The following PLLP variants were observed in gnomAD, a reference collection of about 807,000 sequenced individuals.
PLLP encodes plasmolipin.
Under a neutral mutation model 19.7 loss-of-function variants are expected in PLLP, and 15 were observed. The observed-to-expected ratio is 0.76, with a 90% CI of 0.51 to 1.17. PLLP has a LOEUF of 1.17. PLLP is among the 50% of genes most tolerant of loss of function. PLLP has a pLI of 0.00. For missense variants in PLLP, 255 were observed against 258.3 expected (o/e 0.99, Z 0.09); for synonymous variants, 111 against 116.3 (o/e 0.95, Z 0.29).
At chr16:57,265,130 A>C (rs1489734721) in intron 1 of PLLP, among the ~76,000 whole-genome samples, 1 of 152,212 alleles carries the variant, frequency 6.6e-6, no homozygotes, top group African/African-American at 2.4e-5. Context: ...TCACCGCCGC[A>C]AGCAGGCCAG....
intron 3 of PLLP, among the ~76,000 whole-genome samples, chr16:57,257,925 T>G (rs1399152249): frequency 6.6e-6 from 1 of 152,106 alleles, no homozygotes; most frequent in Non-Finnish European, 1.5e-5. Context: ...ACACCTGTAA[T>G]CTCAGCACTT....
At chr16:57,272,347 C>CA (rs2075478519) in intron 1 of PLLP, among the ~76,000 whole-genome samples, 1 of 152,142 alleles carries the variant, frequency 6.6e-6, no homozygotes, top group African/African-American at 2.4e-5. Flanking sequence ...CTCTTGAAGC[C>CA]AGAGCTGAGA....
At chr16:57,276,578 T>G (rs1597965186) in intron 1 of PLLP, among the ~76,000 whole-genome samples, 2 of 126,270 alleles carry the variant, frequency 1.6e-5, no homozygotes, top group African/African-American at 3.1e-5. Flanking sequence ...GGTGACAGAG[T>G]GAGACTCTGT....
In PLLP at chr16:57,256,876, C is replaced by T. The variant is rs3751707; in HGVS notation, c.*37G>A. On this transcript the variant is annotated 3_prime_UTR_variant, in exon 4 of 4. Coordinates refer to ENST00000219207, the MANE Select transcript of PLLP (RefSeq NM_015993.3). ...GTGACCCTGCTCTGTGACCCAGCGGCGGCTTCAGCCCCAGAGGGGGCCGTG... is the reference window on the plus strand; with the variant it reads ...GTGACCCTGCTCTGTGACCCAGCGGTGGCTTCAGCCCCAGAGGGGGCCGTG... The T allele has an allele frequency of 0.082, 115,420 of 1,402,498 alleles. 6,309 individuals are homozygous for T. The highest frequency in any genetic ancestry group is 0.24 in the East Asian group (10,707 of 43,940). 86.9% of individuals were successfully genotyped at this position (1,402,498 alleles called of 1,614,324 possible).
intron 1 of PLLP, among the ~76,000 whole-genome samples, chr16:57,279,462 C>A (rs916288184): frequency 5.3e-5 from 8 of 151,456 alleles, no homozygotes; most frequent in African/African-American, 1.9e-4. Context: ...TGCTGGAGCC[C>A]AGGAGTTCGA....
At chr16:57,275,093 TCACACACACACACACA>T (rs60029615) in intron 1 of PLLP, among the ~76,000 whole-genome samples, 18 of 121,362 alleles carry the variant, frequency 1.5e-4, no homozygotes, top group East Asian at 7.3e-4. Context: ...TCCAGGGACT[TCACACACACACACACA>T]CACACACACA....
chr16:57,282,042 G>T (rs1166603766), intron 1 of PLLP, among the ~76,000 whole-genome samples: 1 of 151,998 alleles, frequency 6.6e-6, no homozygotes, highest in Non-Finnish European at 1.5e-5. Flanking sequence ...ACCCAGATGC[G>T]CAGGGCTGGA....
At position 57,262,009 on chromosome 16, in the gene PLLP, T is replaced by C. The variant is rs1018038560; in HGVS notation, c.197A>G (p.Tyr66Cys). 5 of 1,614,058 alleles carry C rather than the reference T, an allele frequency of 3.1e-6. No individual in the cohort carries two copies. Among genetic ancestry groups the C allele is most frequent in the Non-Finnish European group, 4.2e-6 (5 of 1,179,972 alleles). Residue 66 changes from tyrosine (Y) to cysteine (C), a missense_variant, in exon 2 of 4, where the codon TAT becomes TGT. Physicochemically the swap from Tyr to Cys is radical, Grantham distance 194. Coordinates refer to ENST00000219207, the MANE Select transcript of PLLP (RefSeq NM_015993.3). Reference protein sequence around the residue: ...ADTPYHLYPAYGWVMFVAVFL... With the variant: ...ADTPYHLYPACGWVMFVAVFL... ...GACAGCGACGAACATCACCCAGCCA[T>C]AGGCCGGATACAGGTGGTACGGGGT...
intron 1 of PLLP, among the ~76,000 whole-genome samples, chr16:57,278,979 C>G (rs1901186488): frequency 6.6e-6 from 1 of 152,194 alleles, no homozygotes; most frequent in Non-Finnish European, 1.5e-5. Flanking sequence ...AAGGATGGAG[C>G]AGGCAGCCTT....
chr16:57,273,932 G>A (rs995080002), intron 1 of PLLP, among the ~76,000 whole-genome samples: 1 of 152,190 alleles, frequency 6.6e-6, no homozygotes, highest in Non-Finnish European at 1.5e-5. Context: ...CTCTCTCTGG[G>A]CCTGAGGACA....
At chr16:57,278,274 A>T (rs1403026821) in intron 1 of PLLP, among the ~76,000 whole-genome samples, 3 of 152,178 alleles carry the variant, frequency 2.0e-5, no homozygotes, top group African/African-American at 7.2e-5. Context: ...CGGGAGGCGG[A>T]GGTTGCAGTG....
Position 57,256,803 on chromosome 16 carries a change from C to A in PLLP, c.*110G>T. ...CGGGCAGAGAGGAGCAAATGCAGTC[C>A]CTGTTGGGCTGACTCCACGCAGGGC... On this transcript the variant is annotated 3_prime_UTR_variant, in exon 4 of 4. Coordinates refer to ENST00000219207, the MANE Select transcript of PLLP (RefSeq NM_015993.3). 1 of 701,898 alleles carries A rather than the reference C, an allele frequency of 1.4e-6. No individual in the cohort carries two copies. The highest frequency in any genetic ancestry group is 2.5e-6 in the Non-Finnish European group (1 of 399,282). The allele number at this position is 701,898 out of a possible 1,614,324, so 43.5% of individuals were successfully genotyped here. A position where few individuals can be genotyped will look rare whatever the true frequency, so the allele number is the denominator to read the frequency against.
intron 1 of PLLP, among the ~76,000 whole-genome samples, chr16:57,265,023 G>C (rs1343242731): frequency 1.3e-5 from 2 of 152,228 alleles, no homozygotes; most frequent in African/African-American, 4.8e-5. Context: ...CGCTCTCCAG[G>C]GCTCAGCACC....
At chr16:57,282,711 C>A (rs1473853734) in intron 1 of PLLP, among the ~76,000 whole-genome samples, 5 of 152,214 alleles carry the variant, frequency 3.3e-5, no homozygotes, top group African/African-American at 4.8e-5. Flanking sequence ...AACTCCAGCA[C>A]CACCAACCTG....
intron 1 of PLLP, among the ~76,000 whole-genome samples, chr16:57,283,156 T>C (rs1371782911): frequency 6.6e-6 from 1 of 152,186 alleles, no homozygotes; most frequent in Non-Finnish European, 1.5e-5. Context: ...AAAAATGAAT[T>C]TCTGGCTGTA....
intron 1 of PLLP, among the ~76,000 whole-genome samples, chr16:57,264,268 C>T (rs1210869232): frequency 1.3e-5 from 2 of 152,220 alleles, no homozygotes; most frequent in Admixed American, 6.5e-5. Context: ...TCCCCATCCC[C>T]CAGGGATCTG....
At position 57,267,975 on chromosome 16, in the gene PLLP, T is replaced by C. The variant is rs565671673; in HGVS notation, c.136-5905A>G. 6.4e-4 allele frequency among the ~76,000 whole-genome samples: 97 copies of C among 152,078 alleles called. 1 individual carries two copies. The highest frequency in any genetic ancestry group is 2.3e-3 in the African/African-American group (95 of 41,482). On this transcript the variant is annotated intron_variant, in intron 1 of 3. Transcript: ENST00000219207. ...GGTTATACTGGATTGGGGGCATCTC[T>C]AATCCAATGACTGGTGTCCTTGCAA...
In PLLP at chr16:57,256,977, T is replaced by C; in HGVS notation, c.485A>G (p.Tyr162Cys). The change falls in exon 4 of 4, where the codon TAC (tyrosine) becomes TGC (cysteine). Residue 162 changes from tyrosine (Y) to cysteine (C), a missense_variant. By Grantham distance (194) the Tyr-to-Cys change is radical. Coordinates refer to ENST00000219207, the MANE Select transcript of PLLP (RefSeq NM_015993.3). ...GCTGCCTACTCCTCGCCAGGCCTGG[T>C]AGCTGAAGAAGGCACTCACTCCATA... Reference protein sequence around the residue: ...IAYGVSAFFSYQAWRGVGSNA... With the variant: ...IAYGVSAFFSCQAWRGVGSNA... 6.2e-7 allele frequency: 1 copy of C among 1,614,026 alleles called. No individual in the cohort carries two copies. The highest frequency in any genetic ancestry group is 8.5e-7 in the Non-Finnish European group (1 of 1,179,982).
intron 1 of PLLP, among the ~76,000 whole-genome samples, chr16:57,280,925 G>A (rs952349453): frequency 1.3e-5 from 2 of 152,208 alleles, no homozygotes; most frequent in Non-Finnish European, 2.9e-5. Flanking sequence ...TCCAGGAGCT[G>A]GGAGCCTTTC....
Sources: allele counts gnomAD v4.1 joint callset (sites outside exome capture counted in the v4.1 genomes callset), GRCh38; gene constraint gnomAD v4.1.1; transcripts MANE v1.5; gene names NCBI Gene and HGNC (gene_info 2026-07-23, HGNC 2026-07-21).